Variants in AMPH observed in about 807,000 individuals in gnomAD.
The protein encoded by AMPH is amphiphysin.
A neutral mutation model predicts 99.1 loss-of-function variants in AMPH; 49 were observed. That is an observed-to-expected ratio of 0.49 (90% CI 0.39 to 0.63). The LOEUF is 0.63. Ranked by LOEUF, AMPH falls within the 20% of genes least tolerant of loss-of-function variation. AMPH has a pLI of 0.00. For synonymous variants in AMPH, 314 were observed against 317.3 expected, an observed-to-expected ratio of 0.99 and a Z score of 0.11; for missense variants, 759 against 863.4, an observed-to-expected ratio of 0.88 and a Z score of 1.52.
At chr7:38,503,602 G>A (rs1407678206) in intron 3 of AMPH, 48 bp downstream of exon 3, 1 of 1,584,322 alleles carries the variant, frequency 6.3e-7, no homozygotes, top group South Asian at 1.1e-5. Context: ...TGAATTCCAA[G>A]AACAACCTGT....
chr7:38,585,024 C>T (rs1792595223), intron 1 of AMPH, among the ~76,000 whole-genome samples: 1 of 152,174 alleles, frequency 6.6e-6, no homozygotes, highest in African/African-American at 2.4e-5. Context: ...GTGGCAATTT[C>T]CAACCTTGGG....
At chr7:38,590,939 T>C (rs1792833802) in intron 1 of AMPH, among the ~76,000 whole-genome samples, 1 of 152,226 alleles carries the variant, frequency 6.6e-6, no homozygotes, top group Non-Finnish European at 1.5e-5. Flanking sequence ...TATAATTTTA[T>C]ATTATAAGCG....
chr7:38,481,592 G>A (rs1190781806), intron 5 of AMPH, among the ~76,000 whole-genome samples: 3 of 152,210 alleles, frequency 2.0e-5, no homozygotes, highest in African/African-American at 7.2e-5. Context: ...TATTATAACA[G>A]TGATTTCAGA....
intron 5 of AMPH, among the ~76,000 whole-genome samples, chr7:38,486,159 G>GT (rs35881285): frequency 0.086 from 12,207 of 141,802 alleles, 971 homozygotes; most frequent in East Asian, 0.28. Context: ...GTAACTATGA[G>GT]TTTTTTTTTT....
At chr7:38,613,395 C>G (rs1368982149) in intron 1 of AMPH, among the ~76,000 whole-genome samples, 1 of 152,158 alleles carries the variant, frequency 6.6e-6, no homozygotes. Context: ...GCCCAGGGGC[C>G]AAATTGTAAA....
intron 1 of AMPH, among the ~76,000 whole-genome samples, chr7:38,576,452 A>C (rs1792249370): frequency 6.6e-6 from 1 of 152,118 alleles, no homozygotes; most frequent in South Asian, 2.1e-4. Context: ...CTCTATCTTC[A>C]TTATTTTTCT....
At chr7:38,529,781 A>G (rs1283506184) in intron 2 of AMPH, among the ~76,000 whole-genome samples, 1 of 152,260 alleles carries the variant, frequency 6.6e-6, no homozygotes, top group Non-Finnish European at 1.5e-5. Context: ...ATATATTCAC[A>G]TCATGGTTAT....
At chr7:38,630,362 G>C (rs1054143672) in intron 1 of AMPH, among the ~76,000 whole-genome samples, 3 of 152,180 alleles carry the variant, frequency 2.0e-5, no homozygotes, top group Non-Finnish European at 4.4e-5. Flanking sequence ...GGCAAGCCTG[G>C]TGCCTGGTAC....
chr7:38,472,592 G>T (rs1310834088), intron 7 of AMPH, among the ~76,000 whole-genome samples: 1 of 152,242 alleles, frequency 6.6e-6, no homozygotes, highest in Admixed American at 6.5e-5. Context: ...TCCAAAAAAT[G>T]ATCTTTGGTA....
At chr7:38,566,695 G>T (rs7795301) in intron 1 of AMPH, among the ~76,000 whole-genome samples, 2,841 of 151,846 alleles carry the variant, frequency 0.019, 73 homozygotes, top group East Asian at 0.083. Flanking sequence ...TTAAACAAAT[G>T]TACAAGAAAA....
intron 1 of AMPH, among the ~76,000 whole-genome samples, chr7:38,622,654 T>C (rs1183174096): frequency 6.6e-6 from 1 of 152,128 alleles, no homozygotes; most frequent in Non-Finnish European, 1.5e-5. Context: ...ATGAAATAGA[T>C]AATTCTAGGC....
chr7:38,587,914 C>CTCTGTGTG (rs1331025058), intron 1 of AMPH, among the ~76,000 whole-genome samples: 23 of 126,084 alleles, frequency 1.8e-4, no homozygotes, highest in Non-Finnish European at 2.8e-4. Context: ...TTATTAATTA[C>CTCTGTGTG]TGTGTGTGTG....
At position 38,571,902 on chromosome 7, in the gene AMPH, G is replaced by A. The variant is rs367756966; in HGVS notation, c.70-36891C>T. Among the ~76,000 whole-genome samples, 348 of 103,300 alleles carry A rather than the reference G, an allele frequency of 3.4e-3. 2 individuals carry two copies. Among genetic ancestry groups the A allele is most frequent in the African/African-American group, 0.012 (322 of 26,748 alleles). 67.8% of individuals were successfully genotyped at this position (103,300 alleles called of 152,430 possible). A position where few individuals can be genotyped will look rare whatever the true frequency, so the allele number is the denominator to read the frequency against. On this transcript the variant is annotated intron_variant, in intron 1 of 20. Coordinates refer to ENST00000356264, the MANE Select transcript of AMPH (RefSeq NM_001635.4). The stretch of plus-strand genomic sequence containing the variant: ...CATTCATGATAAGTACCCTATACAC[G>A]TTTATCTTTTTTTTTTTTTTGAGAT...
At chr7:38,515,914 T>C (rs1789721666) in intron 2 of AMPH, among the ~76,000 whole-genome samples, 1 of 152,332 alleles carries the variant, frequency 6.6e-6, no homozygotes, top group Non-Finnish European at 1.5e-5. Context: ...ATGGCAGGCA[T>C]TGTGCCCCTG....
chr7:38,605,703 G>C (rs528231760), intron 1 of AMPH, among the ~76,000 whole-genome samples: 3 of 152,178 alleles, frequency 2.0e-5, no homozygotes, highest in African/African-American at 7.2e-5. Flanking sequence ...AGCCTCCCGA[G>C]TAGCTGGGAT....
chr7:38,551,680 C>G (rs564664691), intron 1 of AMPH, among the ~76,000 whole-genome samples: 1 of 151,986 alleles, frequency 6.6e-6, no homozygotes, highest in Non-Finnish European at 1.5e-5. Flanking sequence ...GGCCCATGGA[C>G]CCAGGGATGT....
chr7:38,605,091 G>A (rs1156631510), intron 1 of AMPH, among the ~76,000 whole-genome samples: 1 of 151,444 alleles, frequency 6.6e-6, no homozygotes, highest in East Asian at 1.9e-4. Context: ...AAGCCTTTTG[G>A]GTACTGATCC....
At chr7:38,454,585 C>T (rs1375009037) in intron 11 of AMPH, among the ~76,000 whole-genome samples, 1 of 151,478 alleles carries the variant, frequency 6.6e-6, no homozygotes, top group Non-Finnish European at 1.5e-5. Flanking sequence ...CTGCAAGTAG[C>T]TGCGGTGGGA....
chr7:38,539,447 G>A (rs73367173), intron 1 of AMPH, among the ~76,000 whole-genome samples: 1,636 of 152,082 alleles, frequency 0.011, 33 homozygotes, highest in African/African-American at 0.038. Flanking sequence ...AGAGCTATAA[G>A]GGGGTCACAC....
Sources: allele counts gnomAD v4.1 joint callset (sites outside exome capture counted in the v4.1 genomes callset), GRCh38; gene constraint gnomAD v4.1.1; transcripts MANE v1.5; gene names NCBI Gene and HGNC (gene_info 2026-07-23, HGNC 2026-07-21).